XIST: variants seen among roughly 807,000 people sequenced by gnomAD.
The protein encoded by XIST is X inactive specific transcript.
At chrX:73,847,769 A>T (rs769863607) in exon 1 of XIST, 1 of 558,748 alleles carries the variant, frequency 1.8e-6, no homozygotes, top group Non-Finnish European at 3.2e-6. Flanking sequence ...CAAGAGAAGG[A>T]CTCTGGGTTT....
chrX:73,851,741 G>T, exon 1 of XIST: 1 of 559,045 alleles, frequency 1.8e-6, no homozygotes, highest in East Asian at 3.2e-5. Context: ...TGCCTGACCT[G>T]CTATCATCCA....
At chrX:73,852,161 T>G in exon 1 of XIST, 1 of 516,189 alleles carries the variant, frequency 1.9e-6, no homozygotes. Flanking sequence ...AGAAAATTTT[T>G]AAAAAGCAGA....
At chrX:73,823,704 G>A (rs374404777) in exon 6 of XIST, 8 of 558,545 alleles carry the variant, frequency 1.4e-5, no homozygotes, top group African/African-American at 6.6e-5. Flanking sequence ...AATCAGGCCA[G>A]GAAGCATGTA....
intron 2 of XIST, chrX:73,833,494 TCTC>T (rs1179881515): frequency 4.8e-6 from 2 of 413,854 alleles, no homozygotes; most frequent in Non-Finnish European, 8.4e-6. Flanking sequence ...GACATAGGTA[TCTC>T]CTGTCTCTAC....
Position 73,844,714 on chromosome X carries a change from C to G in XIST, n.8010G>C, listed in dbSNP as rs750393935. Reference sequence around the variant, plus strand: ...TGGACAAATATAATCACACACATAACAGGCCAGGAAAATGGGCCTTGGTTA... The same window carrying G: ...TGGACAAATATAATCACACACATAAGAGGCCAGGAAAATGGGCCTTGGTTA... On this transcript the variant is annotated non_coding_transcript_exon_variant, in exon 1 of 6. Coordinates refer to ENST00000429829, the Ensembl canonical transcript of XIST. The G allele has an allele frequency of 1.1e-5, 6 of 556,872 alleles. No individual in the cohort carries two copies. The East Asian group carries it at 1.6e-4, about 15-fold the overall frequency. 45.9% of individuals were successfully genotyped at this position (556,872 alleles called of 1,213,427 possible).
At chrX:73,838,468 T>G (rs1316607951) in intron 1 of XIST, among the ~76,000 whole-genome samples, 1 of 111,245 alleles carries the variant, frequency 9.0e-6, no homozygotes, top group Non-Finnish European at 1.9e-5. Context: ...AATTTACATT[T>G]TGTTTCAGTT....
exon 1 of XIST, chrX:73,841,793 T>C (rs756201427): frequency 4.0e-6 from 2 of 495,603 alleles, no homozygotes; most frequent in Non-Finnish European, 7.1e-6. Context: ...ATATAATAAT[T>C]AATAAAAAAG....
chrX:73,837,322 G>A, intron 2 of XIST: 1 of 390,661 alleles, frequency 2.6e-6, no homozygotes. Flanking sequence ...ACCCAATCTA[G>A]TCATGAGAAG....
chrX:73,847,572 C>A, exon 1 of XIST: 1 of 514,177 alleles, frequency 1.9e-6, no homozygotes, highest in South Asian at 2.5e-5. Flanking sequence ...GAAATCAGTA[C>A]CCCCTTCTAT....
exon 1 of XIST, chrX:73,852,656 C>G: frequency 4.2e-6 from 2 of 480,562 alleles, no homozygotes; most frequent in Non-Finnish European, 3.6e-6. Flanking sequence ...TAGAAAGAAC[C>G]CCAAGTGCAG....
chrX:73,824,165 C>CTA (rs1922196860), exon 6 of XIST: 3 of 515,926 alleles, frequency 5.8e-6, no homozygotes, highest in Admixed American at 2.6e-5. Context: ...ACCCAAGACA[C>CTA]AATAAAGATG....
At chrX:73,850,882 C>A (rs752572590) in exon 1 of XIST, 1 of 546,108 alleles carries the variant, frequency 1.8e-6, no homozygotes, top group Non-Finnish European at 3.3e-6. Context: ...CAGGAGGGGA[C>A]AAATAAGAGG....
intron 3 of XIST, among the ~76,000 whole-genome samples, chrX:73,832,913 C>T (rs778061513): frequency 1.8e-4 from 20 of 111,217 alleles, no homozygotes; most frequent in South Asian, 7.6e-4. Context: ...GACTGGGTCC[C>T]GCTCTGCCAC....
intron 5 of XIST, chrX:73,828,126 T>C: frequency 2.3e-6 from 1 of 432,132 alleles, no homozygotes; most frequent in Admixed American, 4.3e-5. Context: ...GTAATTATAA[T>C]AAACTATTGT....
At chrX:73,825,064 A>C (rs1922218590) in exon 6 of XIST, 4 of 513,088 alleles carry the variant, frequency 7.8e-6, no homozygotes. Context: ...CACCTTTCTG[A>C]AATTTTTTGT....
exon 6 of XIST, chrX:73,826,139 G>A: frequency 1.8e-6 from 1 of 559,139 alleles, no homozygotes. Context: ...GGAAGCTGTT[G>A]CTGGCAGGTG....
At chrX:73,843,062 A>G (rs1033831842) in exon 1 of XIST, 2 of 558,399 alleles carry the variant, frequency 3.6e-6, no homozygotes, top group East Asian at 3.2e-5. Context: ...CTTATACTTT[A>G]TTATGCCATG....
chrX:73,842,412 T>G (rs779684312), exon 1 of XIST: 1 of 546,786 alleles, frequency 1.8e-6, no homozygotes, highest in Non-Finnish European at 3.3e-6. Context: ...TTCAGTATTT[T>G]GCACAGTAAA....
At chrX:73,851,797 C>T (rs1556554713) in exon 1 of XIST, 2 of 558,669 alleles carry the variant, frequency 3.6e-6, no homozygotes, top group Non-Finnish European at 6.5e-6. Flanking sequence ...AGCCCTAAGC[C>T]GAGTTATGCG....
Sources: allele counts gnomAD v4.1 joint callset (sites outside exome capture counted in the v4.1 genomes callset), GRCh38; gene constraint gnomAD v4.1.1; transcripts MANE v1.5; gene names NCBI Gene and HGNC (gene_info 2026-07-23, HGNC 2026-07-21).